LHFPL3: variants seen among roughly 807,000 people sequenced by gnomAD.
The protein encoded by LHFPL3 is LHFPL tetraspan subfamily member 3, also known as LHFPL tetraspan subfamily member 3 protein.
LHFPL3 carries 5 observed loss-of-function variants against 19.3 expected under a neutral mutation model. The ratio of observed to expected loss-of-function variants is 0.26; its 90% CI spans 0.14 to 0.54. The LOEUF (loss-of-function observed/expected upper bound fraction) is 0.54, where lower values mean the gene tolerates loss of function less well. Ranked by LOEUF, LHFPL3 falls within the 20% of genes least tolerant of loss-of-function variation. The pLI is 0.94. For synonymous variants in LHFPL3, 133 were observed against 126.2 expected (o/e 1.05, Z -0.36); for missense variants, 249 against 307.4 (o/e 0.81, Z 1.42).
intron 1 of LHFPL3, among the ~76,000 whole-genome samples, chr7:104,716,567 T>C (rs963070762): frequency 5.9e-5 from 9 of 152,160 alleles, no homozygotes; most frequent in African/African-American, 1.7e-4. Flanking sequence ...AAGACAATCT[T>C]ATTTATAATA....
intron 1 of LHFPL3, among the ~76,000 whole-genome samples, chr7:104,681,154 C>CTTTTTTTTTTTTTTT (rs35342944): frequency 7.5e-6 from 1 of 132,630 alleles, no homozygotes. Flanking sequence ...TTCTTTTCTT[C>CTTTTTTTTTTTTTTT]TTTTTTTTTT....
At chr7:104,626,556 G>A (rs2115827784) in intron 1 of LHFPL3, among the ~76,000 whole-genome samples, 1 of 152,274 alleles carries the variant, frequency 6.6e-6, no homozygotes, top group African/African-American at 2.4e-5. Context: ...GACACAAAGG[G>A]ATTTTAGATA....
chr7:104,549,492 T>TACACAC (rs1794630624), intron 1 of LHFPL3, among the ~76,000 whole-genome samples: 1 of 96,552 alleles, frequency 1.0e-5, no homozygotes, highest in East Asian at 3.0e-4. Flanking sequence ...CACACACACT[T>TACACAC]ATGTATACAC....
chr7:104,525,637 C>T (rs1262886743), intron 1 of LHFPL3, among the ~76,000 whole-genome samples: 3 of 144,702 alleles, frequency 2.1e-5, no homozygotes, highest in Admixed American at 7.0e-5. Flanking sequence ...GATGGAGTCT[C>T]ACTCTGTTGC....
chr7:104,753,116 T>C (rs1179375375), intron 2 of LHFPL3, among the ~76,000 whole-genome samples: 1 of 152,254 alleles, frequency 6.6e-6, no homozygotes, highest in African/African-American at 2.4e-5. Flanking sequence ...CCCCTGGTGA[T>C]TTATAATCAC....
chr7:104,850,008 TGTG>T (rs1164485596), intron 2 of LHFPL3, among the ~76,000 whole-genome samples: 3 of 152,160 alleles, frequency 2.0e-5, no homozygotes, highest in Non-Finnish European at 4.4e-5. Flanking sequence ...CAAAAGTAAT[TGTG>T]GTTTTTTTAG....
chr7:104,884,439 A>T (rs1792111482), intron 2 of LHFPL3, among the ~76,000 whole-genome samples: 1 of 152,198 alleles, frequency 6.6e-6, no homozygotes, highest in Non-Finnish European at 1.5e-5. Flanking sequence ...CACCAGAATC[A>T]TCCGGACCTA....
intron 1 of LHFPL3, among the ~76,000 whole-genome samples, chr7:104,416,480 G>T (rs924859306): frequency 1.4e-4 from 21 of 152,154 alleles, no homozygotes; most frequent in African/African-American, 4.8e-4. Context: ...ACCTTCCGTG[G>T]CCCTACTTTC....
intron 1 of LHFPL3, among the ~76,000 whole-genome samples, chr7:104,355,450 C>G (rs1293211091): frequency 6.6e-6 from 1 of 152,208 alleles, no homozygotes; most frequent in Non-Finnish European, 1.5e-5. Flanking sequence ...GTGACCCAGA[C>G]ACTCTGCTAC....
intron 1 of LHFPL3, among the ~76,000 whole-genome samples, chr7:104,729,852 A>T (rs1793662596): frequency 6.6e-6 from 1 of 152,158 alleles, no homozygotes; most frequent in East Asian, 1.9e-4. Flanking sequence ...CCCATTAACT[A>T]GTCATTTACA....
chr7:104,415,696 A>G (rs998580739), intron 1 of LHFPL3, among the ~76,000 whole-genome samples: 4 of 152,234 alleles, frequency 2.6e-5, no homozygotes, highest in African/African-American at 7.2e-5. Context: ...AATGTGACAC[A>G]TAAGTATTTT....
At chr7:104,614,814 A>G (rs185043074) in intron 1 of LHFPL3, among the ~76,000 whole-genome samples, 178 of 150,990 alleles carry the variant, frequency 1.2e-3, no homozygotes, top group Admixed American at 2.1e-3. Context: ...GCAGTGGCAC[A>G]ATCACAGCTC....
intron 1 of LHFPL3, among the ~76,000 whole-genome samples, chr7:104,360,810 G>A (rs907801885): frequency 3.3e-5 from 5 of 151,906 alleles, no homozygotes; most frequent in Non-Finnish European, 5.9e-5. Context: ...TCAGAGGAGA[G>A]TGGAAATAGG....
intron 1 of LHFPL3, among the ~76,000 whole-genome samples, chr7:104,649,401 A>G (rs1426663605): frequency 6.6e-6 from 1 of 152,190 alleles, no homozygotes; most frequent in Non-Finnish European, 1.5e-5. Context: ...TTACCACACA[A>G]TAACAGAGTG....
At chr7:104,808,117 A>G (rs55846951) in intron 2 of LHFPL3, among the ~76,000 whole-genome samples, 1,667 of 152,264 alleles carry the variant, frequency 0.011, 14 homozygotes, top group Non-Finnish European at 0.016. Flanking sequence ...CTTCTCCCCC[A>G]TCAGCCACAC....
intron 2 of LHFPL3, among the ~76,000 whole-genome samples, chr7:104,831,205 G>A (rs6466026): frequency 0.99 from 151,265 of 152,058 alleles, 75,255 homozygotes; most frequent in Middle Eastern, 1. Flanking sequence ...ATAGTATATC[G>A]TCAAGCTGCA....
At chr7:104,865,767 T>C (rs746102364) in intron 2 of LHFPL3, among the ~76,000 whole-genome samples, 2 of 152,090 alleles carry the variant, frequency 1.3e-5, no homozygotes, top group Non-Finnish European at 2.9e-5. Context: ...CCAAGACACA[T>C]AATTCTCAGA....
In LHFPL3 at chr7:104,635,402, A is replaced by C. The variant is rs75097533; in HGVS notation, c.446-101273A>C. On this transcript the variant is annotated intron_variant, in intron 1 of 2. Transcript: ENST00000424859. ...ATAATGAAATTGCAGAACATCAGGG[A>C]AAATGAGAGGACTGGAAAAGCTTCT... Among the ~76,000 whole-genome samples the C allele has an allele frequency of 4.4e-3, 674 of 152,308 alleles. 37 individuals carry two copies. The East Asian group carries it at 0.11, about 24-fold the overall frequency.
At chr7:104,485,928 G>C (rs374804370) in intron 1 of LHFPL3, among the ~76,000 whole-genome samples, 1 of 152,170 alleles carries the variant, frequency 6.6e-6, no homozygotes, top group Non-Finnish European at 1.5e-5. Context: ...AAATGTTTTT[G>C]TTTGTTTATG....
Sources: allele counts gnomAD v4.1 joint callset (sites outside exome capture counted in the v4.1 genomes callset), GRCh38; gene constraint gnomAD v4.1.1; transcripts MANE v1.5; gene names NCBI Gene and HGNC (gene_info 2026-07-23, HGNC 2026-07-21).